UBE2E3: variants seen among roughly 807,000 people sequenced by gnomAD.
The protein encoded by UBE2E3 is ubiquitin-conjugating enzyme E2 E3.
In UBE2E3, 5 loss-of-function variants were observed where a neutral mutation model predicts 23.6. The ratio of observed to expected loss-of-function variants is 0.21; its 90% CI spans 0.11 to 0.44. The LOEUF (loss-of-function observed/expected upper bound fraction) is 0.44. Among genes scored for constraint, UBE2E3 ranks in the 20% least tolerant of loss-of-function variants. The pLI is 0.99. For synonymous variants in UBE2E3, 78 were observed against 87.5 expected (o/e 0.89, Z 0.60); for missense variants, 81 against 249.8 (o/e 0.32, Z 4.55).
intron 3 of UBE2E3, among the ~76,000 whole-genome samples, chr2:180,987,777 T>C (rs1684527124): frequency 6.6e-6 from 1 of 152,122 alleles, no homozygotes; most frequent in African/African-American, 2.4e-5. Flanking sequence ...TTGCTACCAC[T>C]TTCCATCATT....
chr2:181,021,610 T>C (rs796495893), intron 3 of UBE2E3, among the ~76,000 whole-genome samples: 90 of 77,578 alleles, frequency 1.2e-3, no homozygotes, highest in African/African-American at 2.7e-3. Flanking sequence ...CTTCCTTCCT[T>C]CCTCCCTCTC....
At chr2:181,033,972 A>G (rs1406337867) in intron 3 of UBE2E3, among the ~76,000 whole-genome samples, 3 of 152,146 alleles carry the variant, frequency 2.0e-5, no homozygotes, top group Non-Finnish European at 2.9e-5. Context: ...CAAAACCACA[A>G]TGAGATACCA....
chr2:181,004,330 A>T (rs1685076282), intron 3 of UBE2E3, among the ~76,000 whole-genome samples: 1 of 152,204 alleles, frequency 6.6e-6, no homozygotes, highest in Admixed American at 6.5e-5. Context: ...TTACCTGATT[A>T]GCTGTAGCTT....
chr2:181,002,571 C>G (rs1685021256), intron 3 of UBE2E3, among the ~76,000 whole-genome samples: 1 of 151,968 alleles, frequency 6.6e-6, no homozygotes, highest in Non-Finnish European at 1.5e-5. Context: ...TTTCTAGTAG[C>G]CACATTAGAA....
chr2:181,024,403 G>A (rs2105633104), intron 3 of UBE2E3, among the ~76,000 whole-genome samples: 1 of 152,176 alleles, frequency 6.6e-6, no homozygotes, highest in Non-Finnish European at 1.5e-5. Context: ...CAAAAAGGAA[G>A]GAAAATTCAG....
At chr2:181,025,000 T>A (rs1166261352) in intron 3 of UBE2E3, among the ~76,000 whole-genome samples, 1 of 151,994 alleles carries the variant, frequency 6.6e-6, no homozygotes, top group Non-Finnish European at 1.5e-5. Flanking sequence ...ACAGACAATT[T>A]AAAAAGTTGT....
intron 3 of UBE2E3, among the ~76,000 whole-genome samples, chr2:181,034,567 A>G (rs1202698477): frequency 6.6e-6 from 1 of 152,130 alleles, no homozygotes; most frequent in African/African-American, 2.4e-5. Context: ...TAGGAGATAC[A>G]CCTAATGTAA....
At chr2:180,985,247 G>T (rs1335646357) in intron 3 of UBE2E3, among the ~76,000 whole-genome samples, 1 of 152,126 alleles carries the variant, frequency 6.6e-6, no homozygotes, top group Non-Finnish European at 1.5e-5. Flanking sequence ...TGGTATGTGA[G>T]ATCTCAAAGT....
At chr2:181,046,471 C>G (rs1421490923) in intron 3 of UBE2E3, among the ~76,000 whole-genome samples, 3 of 152,106 alleles carry the variant, frequency 2.0e-5, no homozygotes. Flanking sequence ...GAGCTTGACA[C>G]ATTTATCAAC....
intron 3 of UBE2E3, among the ~76,000 whole-genome samples, chr2:181,053,532 T>G (rs1319243110): frequency 6.6e-6 from 1 of 151,842 alleles, no homozygotes; most frequent in Non-Finnish European, 1.5e-5. Context: ...TTATTTGTAT[T>G]TTTTAAATTA....
At chr2:181,059,784 C>CCTA (rs1419738618) in intron 4 of UBE2E3, among the ~76,000 whole-genome samples, 2 of 151,604 alleles carry the variant, frequency 1.3e-5, no homozygotes, top group Admixed American at 1.3e-4. Flanking sequence ...GTGTTGGTCC[C>CCTA]CTACCCCCTC....
chr2:181,062,044 C>T (rs951949402), intron 5 of UBE2E3, among the ~76,000 whole-genome samples: 4 of 151,602 alleles, frequency 2.6e-5, no homozygotes, highest in African/African-American at 9.7e-5. Context: ...GAAAAAAATA[C>T]ATATACACAA....
At chr2:181,025,592 A>G (rs1309871633) in intron 3 of UBE2E3, among the ~76,000 whole-genome samples, 2 of 151,994 alleles carry the variant, frequency 1.3e-5, no homozygotes, top group East Asian at 1.9e-4. Flanking sequence ...TTTTTTCTAC[A>G]TTTAAATGAC....
intron 3 of UBE2E3, among the ~76,000 whole-genome samples, chr2:181,012,038 A>G (rs1291486918): frequency 6.6e-6 from 1 of 152,284 alleles, no homozygotes; most frequent in East Asian, 1.9e-4. Context: ...GCTTTGCTCT[A>G]CTGCAAGGTA....
At chr2:181,051,892 TG>T (rs1382383601) in intron 3 of UBE2E3, among the ~76,000 whole-genome samples, 1 of 151,932 alleles carries the variant, frequency 6.6e-6, no homozygotes, top group Non-Finnish European at 1.5e-5. Flanking sequence ...TTATGCAGTG[TG>T]GCATTGTACC....
chr2:181,024,600 T>C (rs1685819272), intron 3 of UBE2E3, among the ~76,000 whole-genome samples: 1 of 152,122 alleles, frequency 6.6e-6, no homozygotes, highest in South Asian at 2.1e-4. Context: ...ATGTGCTATG[T>C]AGATATGAAT....
At chr2:181,029,113 G>A (rs978501344) in intron 3 of UBE2E3, among the ~76,000 whole-genome samples, 6 of 152,044 alleles carry the variant, frequency 3.9e-5, no homozygotes, top group Non-Finnish European at 8.8e-5. Context: ...AGTGCCATCT[G>A]TCATTTCATG....
At chr2:181,022,615 T>C (rs2105629313) in intron 3 of UBE2E3, among the ~76,000 whole-genome samples, 1 of 152,148 alleles carries the variant, frequency 6.6e-6, no homozygotes, top group South Asian at 2.1e-4. Context: ...CTTCTTGCAC[T>C]TAGAAACACT....
At chr2:181,060,449 G>T (rs1202195686) in intron 4 of UBE2E3, among the ~76,000 whole-genome samples, 1 of 151,618 alleles carries the variant, frequency 6.6e-6, no homozygotes, top group African/African-American at 2.4e-5. Context: ...TAACTGATCA[G>T]TTCCTCACTT....
Sources: allele counts gnomAD v4.1 joint callset (sites outside exome capture counted in the v4.1 genomes callset), GRCh38; gene constraint gnomAD v4.1.1; transcripts MANE v1.5; gene names NCBI Gene and HGNC (gene_info 2026-07-23, HGNC 2026-07-21).